CAPZB: variants seen among roughly 807,000 people sequenced by gnomAD.
CAPZB encodes capping actin protein of muscle Z-line subunit beta.
A neutral mutation model predicts 38.1 loss-of-function variants in CAPZB; 2 were observed. That is an observed-to-expected ratio of 0.05 (90% CI 0.02 to 0.17). CAPZB has a LOEUF of 0.17. CAPZB is among the 10% of genes least tolerant of loss of function. The pLI, the probability that CAPZB is intolerant of heterozygous loss-of-function variation, is 1.00. For synonymous variants in CAPZB, 107 were observed against 127.4 expected, an observed-to-expected ratio of 0.84 and a Z score of 1.08; for missense variants, 161 against 334.2, an observed-to-expected ratio of 0.48 and a Z score of 4.04.
chr1:19,440,758 T>A (rs1004243555), intron 1 of CAPZB, among the ~76,000 whole-genome samples: 15 of 152,138 alleles, frequency 9.9e-5, no homozygotes, highest in African/African-American at 2.7e-4. Context: ...AAGCCATGTT[T>A]TAAAAAAGTT....
chr1:19,361,037 C>T (rs2094049954), intron 4 of CAPZB, among the ~76,000 whole-genome samples: 1 of 152,184 alleles, frequency 6.6e-6, no homozygotes, highest in African/African-American at 2.4e-5. Context: ...ACTGTAAGCA[C>T]AGCAAGAGTA....
chr1:19,397,916 G>A (rs1410912961), intron 2 of CAPZB, among the ~76,000 whole-genome samples: 1 of 152,146 alleles, frequency 6.6e-6, no homozygotes, highest in Non-Finnish European at 1.5e-5. Flanking sequence ...CCACTGATCT[G>A]GGGGGCTCAT....
chr1:19,412,373 C>T (rs185335999), intron 2 of CAPZB, among the ~76,000 whole-genome samples: 1 of 152,266 alleles, frequency 6.6e-6, no homozygotes, highest in Admixed American at 6.5e-5. Flanking sequence ...CCACGGGGAA[C>T]TCTGGTGGAA....
chr1:19,480,199 A>C (rs1215443724), intron 1 of CAPZB, among the ~76,000 whole-genome samples: 1 of 152,182 alleles, frequency 6.6e-6, no homozygotes, highest in Non-Finnish European at 1.5e-5. Context: ...AGATTAGAGG[A>C]CAGGGATGAT....
At position 19,440,943 on chromosome 1, in the gene CAPZB, C is replaced by T. The variant is rs576192281; in HGVS notation, c.4-21193G>A. ...GGTGTGGTGGCGGGTGCCTGTGGTCCCAGCTACTCGGGAGACTGAGGCAGG... is the reference window on the plus strand; with the variant it reads ...GGTGTGGTGGCGGGTGCCTGTGGTCTCAGCTACTCGGGAGACTGAGGCAGG... On this transcript the variant is annotated intron_variant, in intron 1 of 8. Transcript: ENST00000264202. 5.3e-5 allele frequency among the ~76,000 whole-genome samples: 8 copies of T among 152,152 alleles called. No individual in the cohort carries two copies. The South Asian group carries it at 1.5e-3, about 28-fold the overall frequency.
intron 1 of CAPZB, among the ~76,000 whole-genome samples, chr1:19,430,483 G>A (rs922437528): frequency 2.0e-5 from 3 of 152,316 alleles, no homozygotes; most frequent in Admixed American, 1.3e-4. Context: ...CTTACCTGGT[G>A]AACCTGGCGA....
chr1:19,448,782 C>T, intron 1 of CAPZB: 1 of 1,607,914 alleles, frequency 6.2e-7, no homozygotes, highest in Non-Finnish European at 8.5e-7. Context: ...ACCCTGATGG[C>T]CACGGCCACC....
At chr1:19,371,082 C>A (rs2094117235) in intron 4 of CAPZB, among the ~76,000 whole-genome samples, 1 of 152,182 alleles carries the variant, frequency 6.6e-6, no homozygotes. Flanking sequence ...CCAGTCACTG[C>A]AGACGGGCAC....
chr1:19,484,443 C>T (rs1478087922), intron 1 of CAPZB: 1 of 1,499,892 alleles, frequency 6.7e-7, no homozygotes, highest in Non-Finnish European at 8.9e-7. Flanking sequence ...CTGCAGAATG[C>T]TTCGCACGCA....
At chr1:19,426,483 G>A (rs2094423212) in intron 1 of CAPZB, among the ~76,000 whole-genome samples, 1 of 152,116 alleles carries the variant, frequency 6.6e-6, no homozygotes, top group African/African-American at 2.4e-5. Context: ...AACCGGAGGA[G>A]CTTTTGTAAC....
chr1:19,368,400 T>C (rs2094101588), intron 4 of CAPZB, among the ~76,000 whole-genome samples: 2 of 151,590 alleles, frequency 1.3e-5, no homozygotes, highest in Non-Finnish European at 2.9e-5. Flanking sequence ...TCCCCAGCAC[T>C]TTGGGAGGCC....
chr1:19,456,916 G>A lies in CAPZB; in HGVS notation c.3+28520C>T, dbSNP rs112437918. 6.0e-3 allele frequency among the ~76,000 whole-genome samples: 920 copies of A among 152,282 alleles called. 6 individuals carry two copies. The highest frequency in any genetic ancestry group is 0.021 in the African/African-American group (857 of 41,554). ...AGAAGATGGTAAGAGCACTAATAAA[G>A]GTCATTATACTCATTTGAGCAGGGC... On this transcript the variant is annotated intron_variant, in intron 1 of 8. Coordinates refer to ENST00000264202, the MANE Select transcript of CAPZB (RefSeq NM_004930.5).
At chr1:19,431,012 G>C (rs12405176) in intron 1 of CAPZB, among the ~76,000 whole-genome samples, 46,380 of 151,950 alleles carry the variant, frequency 0.31, 7,417 homozygotes, top group Middle Eastern at 0.39. Flanking sequence ...TTAAAACACA[G>C]AATCAACAGG....
chr1:19,370,718 G>C (rs907514722), intron 4 of CAPZB, among the ~76,000 whole-genome samples: 1 of 152,092 alleles, frequency 6.6e-6, no homozygotes, highest in Non-Finnish European at 1.5e-5. Context: ...TGCCAGCCGC[G>C]GGCCAAGCTG....
rs941254163 is a variant in CAPZB at position 19,344,284 on chromosome 1, C to A, written c.731+74G>T. On this transcript the variant is annotated intron_variant, in intron 8 of 8. Transcript: ENST00000264202. ...GAGGACACCGAGGCCCAAGACCACA[C>A]AGCTAGTAACTGGCAGAGCCAGGGT... The A allele has an allele frequency of 1.1e-5, 13 of 1,203,776 alleles. No individual in the cohort carries two copies. In the Admixed American group the frequency reaches 1.9e-4, roughly 17 times the overall value. The allele number at this position is 1,203,776 out of a possible 1,614,324, so 74.6% of individuals were successfully genotyped here. A position where few individuals can be genotyped will look rare whatever the true frequency, so the allele number is the denominator to read the frequency against.
intron 2 of CAPZB, among the ~76,000 whole-genome samples, chr1:19,413,675 G>A (rs962939800): frequency 2.6e-5 from 4 of 152,288 alleles, no homozygotes; most frequent in Non-Finnish European, 4.4e-5. Flanking sequence ...AATAAAGGAC[G>A]AAAAATGCTG....
intron 1 of CAPZB, among the ~76,000 whole-genome samples, chr1:19,450,161 A>AG (rs1558272994): frequency 4.8e-4 from 64 of 132,680 alleles, no homozygotes; most frequent in African/African-American, 1.8e-3. Flanking sequence ...AAAAAAAAAA[A>AG]AAAAAAAAGA....
Position 19,433,395 on chromosome 1 carries a change from C to T in CAPZB, c.4-13645G>A, listed in dbSNP as rs34410518. On this transcript the variant is annotated intron_variant, in intron 1 of 8. Transcript: ENST00000264202. ...AAAATGTCGACCACGTGTTCACTGACGAAGGCTAAGAAAAGTAAACTCCTT... is the reference window on the plus strand; with the variant it reads ...AAAATGTCGACCACGTGTTCACTGATGAAGGCTAAGAAAAGTAAACTCCTT... 3.1e-3 allele frequency among the ~76,000 whole-genome samples: 479 copies of T among 152,266 alleles called. 2 individuals carry two copies. Among genetic ancestry groups the T allele is most frequent in the African/African-American group, 0.011 (460 of 41,550 alleles).
intron 1 of CAPZB, among the ~76,000 whole-genome samples, chr1:19,473,962 C>T (rs1033017974): frequency 1.9e-4 from 29 of 152,164 alleles, no homozygotes; most frequent in Admixed American, 1.6e-3. Flanking sequence ...TATTAAATGT[C>T]CACATGGGAG....
Sources: gnomAD v4.1 joint callset for allele counts (sites outside exome capture counted in the v4.1 genomes callset) on GRCh38, gnomAD v4.1.1 for gene constraint, MANE v1.5 for transcripts, NCBI Gene and HGNC (gene_info 2026-07-23, HGNC 2026-07-21) for gene names.